The following NUTM2B variants were observed in gnomAD, a reference collection of about 807,000 sequenced individuals.
NUTM2B encodes the protein family with sequence similarity 22, member B.
A neutral mutation model predicts 42.4 loss-of-function variants in NUTM2B; 2 were observed. The ratio of observed to expected loss-of-function variants is 0.05; its 90% CI spans 0.02 to 0.15. The LOEUF (loss-of-function observed/expected upper bound fraction) is 0.15, where lower values mean the gene tolerates loss of function less well. Among genes scored for constraint, NUTM2B ranks in the 10% least tolerant of loss-of-function variants. NUTM2B has a pLI of 1.00. For synonymous variants in NUTM2B, 18 were observed against 402.4 expected, an observed-to-expected ratio of 0.04 and a Z score of 11.43; for missense variants, 58 against 952.6, an observed-to-expected ratio of 0.06 and a Z score of 12.36.
At chr10:79,699,754 T>C (rs367703261), upstream of NUTM2B, among the ~76,000 whole-genome samples, 18 of 152,310 alleles carry the variant, frequency 1.2e-4, no homozygotes, top group East Asian at 3.3e-3. Context: ...AGTTATGACA[T>C]TCTTTAATCT....
At chr10:79,702,485 TTGCCCC>T (rs745663623), upstream of NUTM2B, among the ~76,000 whole-genome samples, 5 of 151,594 alleles carry the variant, frequency 3.3e-5, no homozygotes, top group African/African-American at 9.8e-5. Flanking sequence ...AATCCACCAC[TTGCCCC>T]TGCCCCTGCC....
Position 79,711,907 on chromosome 10 carries a change from G to GCA in NUTM2B, c.2065_2066dup (p.Gly690LeufsTer21), listed in dbSNP as rs1840506497. On this transcript the variant is annotated frameshift_variant, in exon 7 of 7. Coordinates refer to ENST00000429828, the Ensembl canonical transcript of NUTM2B. LOFTEE classifies it low-confidence loss of function (END_TRUNC). ...CCGGGACTCTCAGGGACGAGGCAGA[G>GCA]CACACACTGGCATGGCCAGGTCCGA... 1 of 1,534,846 alleles carries GCA rather than the reference G, an allele frequency of 6.5e-7. No individual in the cohort carries two copies. Among genetic ancestry groups the GCA allele is most frequent in the Non-Finnish European group, 8.8e-7 (1 of 1,137,530 alleles).
chr10:79,699,199 C>A (rs1840271263), upstream of NUTM2B, among the ~76,000 whole-genome samples: 1 of 151,856 alleles, frequency 6.6e-6, no homozygotes, highest in African/African-American at 2.4e-5. Flanking sequence ...CGTACATCCA[C>A]AAAATAGACA....
chr10:79,701,317 A>G (rs1840310267), upstream of NUTM2B, among the ~76,000 whole-genome samples: 1 of 152,036 alleles, frequency 6.6e-6, no homozygotes, highest in South Asian at 2.1e-4. Flanking sequence ...GCCTTGATCA[A>G]TTTCAGTCGA....
chr10:79,695,057 C>T, the NUTM2B span, among the ~76,000 whole-genome samples: 2 of 152,182 alleles, frequency 1.3e-5, no homozygotes, highest in African/African-American at 2.4e-5. Flanking sequence ...GACCTGAGCC[C>T]GTGTAAACTC....
chr10:79,694,632 AC>A, the NUTM2B span, among the ~76,000 whole-genome samples: 1 of 151,410 alleles, frequency 6.6e-6, no homozygotes, highest in Non-Finnish European at 1.5e-5. Context: ...ACTGACCCCC[AC>A]CCCTGCCAGG....
chr10:79,707,015 G>A (rs1383169461), intron 2 of NUTM2B, among the ~76,000 whole-genome samples: 12 of 117,050 alleles, frequency 1.0e-4, no homozygotes, highest in Non-Finnish European at 1.7e-5. Flanking sequence ...GAAGACCCAG[G>A]TCAGAGAGGG....
chr10:79,710,808 T>G, intron 5 of NUTM2B, 44 bp downstream of exon 5: 1 of 1,190,832 alleles, frequency 8.4e-7, no homozygotes, highest in Non-Finnish European at 1.1e-6. Context: ...TTCCAGGGGC[T>G]GGCACTCCCA....
At chr10:79,700,140 A>C (rs1169161796), upstream of NUTM2B, among the ~76,000 whole-genome samples, 1 of 152,232 alleles carries the variant, frequency 6.6e-6, no homozygotes, top group East Asian at 1.9e-4. Flanking sequence ...CTACCAAGCG[A>C]ACAAACTATG....
intron 3 of NUTM2B, among the ~76,000 whole-genome samples, 195 bp from the exon 4 acceptor site, chr10:79,709,605 C>T (rs1157223514): frequency 7.6e-6 from 1 of 132,424 alleles, no homozygotes; most frequent in African/African-American, 2.9e-5. Context: ...ATGGGCTCTG[C>T]AGGGGCCGGG....
At chr10:79,702,590 C>T (rs1206124715), upstream of NUTM2B, among the ~76,000 whole-genome samples, 6 of 150,982 alleles carry the variant, frequency 4.0e-5, no homozygotes, top group Admixed American at 3.3e-4. Context: ...TCGTAAGTGC[C>T]GACAGGGTGT....
upstream of NUTM2B, among the ~76,000 whole-genome samples, chr10:79,698,908 C>G (rs957601401): frequency 6.6e-6 from 1 of 152,166 alleles, no homozygotes; most frequent in Admixed American, 6.5e-5. Flanking sequence ...CCCAAATACA[C>G]ATACAGTTCC....
chr10:79,699,174 G>A (rs566985552), upstream of NUTM2B, among the ~76,000 whole-genome samples: 60 of 151,850 alleles, frequency 4.0e-4, no homozygotes, highest in African/African-American at 1.4e-3. Flanking sequence ...TCCCAAATAC[G>A]TAAACCAAAC....
At chr10:79,700,954 C>T (rs1762962121), upstream of NUTM2B, among the ~76,000 whole-genome samples, 1 of 152,222 alleles carries the variant, frequency 6.6e-6, no homozygotes, top group South Asian at 2.1e-4. Flanking sequence ...CTCTGAGAAA[C>T]CAGCGCGTCC....
the NUTM2B span, among the ~76,000 whole-genome samples, chr10:79,692,306 C>T: frequency 6.6e-6 from 1 of 152,244 alleles, no homozygotes; most frequent in African/African-American, 2.4e-5. Context: ...GCACTTTACA[C>T]ATATGAATGC....
chr10:79,711,875 T>A lies in NUTM2B; in HGVS notation c.2027T>A (p.Met676Lys). 3.4e-6 allele frequency: 5 copies of A among 1,463,278 alleles called. 1 individual carries two copies. The highest frequency in any genetic ancestry group is 3.6e-6 in the Non-Finnish European group (4 of 1,098,266). 90.6% of individuals were successfully genotyped at this position (1,463,278 alleles called of 1,614,324 possible). ...GGCATGGAAACCTGCCCACCCCAGA[T>A]GACTGCCCGGGACTCTCAGGGACGA... Residue 676 changes from methionine (M) to lysine (K), a missense_variant, in exon 7 of 7, where the codon ATG (methionine) becomes AAG (lysine). Physicochemically the swap from Met to Lys is moderately conservative, Grantham distance 95. Transcript: ENST00000429828.
the NUTM2B span, among the ~76,000 whole-genome samples, chr10:79,692,531 C>T: frequency 6.6e-6 from 1 of 152,188 alleles, no homozygotes; most frequent in Non-Finnish European, 1.5e-5. Context: ...TGGGGGAGTG[C>T]TGAGTGCAGA....
At chr10:79,707,113 G>A (rs1485971362) in intron 2 of NUTM2B, among the ~76,000 whole-genome samples, 59 of 129,866 alleles carry the variant, frequency 4.5e-4, no homozygotes, top group Non-Finnish European at 7.7e-4. Flanking sequence ...TTGATGGCCA[G>A]GAGCACCTCA....
chr10:79,700,503 A>G (rs1278304844), upstream of NUTM2B, among the ~76,000 whole-genome samples: 1 of 152,254 alleles, frequency 6.6e-6, no homozygotes, highest in Non-Finnish European at 1.5e-5. Flanking sequence ...CAGGGCCCCC[A>G]CTAGGAAAGC....
Sources: gnomAD v4.1 joint callset for allele counts (sites outside exome capture counted in the v4.1 genomes callset) on GRCh38, gnomAD v4.1.1 for gene constraint, MANE v1.5 for transcripts, NCBI Gene and HGNC (gene_info 2026-07-23, HGNC 2026-07-21) for gene names.